Variants in BBS9 observed in about 807,000 individuals in gnomAD.
The protein encoded by BBS9 is Bardet-Biedl syndrome 9, also known as protein PTHB1.
A neutral mutation model predicts 117.7 loss-of-function variants in BBS9; 89 were observed. The observed-to-expected ratio is 0.76, with a 90% CI of 0.64 to 0.90. The LOEUF (loss-of-function observed/expected upper bound fraction) is 0.90, where lower values mean the gene tolerates loss of function less well. Among genes scored for constraint, BBS9 ranks in the 40% least tolerant of loss-of-function variants. The probability of loss-of-function intolerance (pLI) is 0.00; values close to 1 mark genes in which losing one functional copy is unlikely to be tolerated. For synonymous variants in BBS9, 379 were observed against 370.9 expected, an observed-to-expected ratio of 1.02 and a Z score of -0.25; for missense variants, 982 against 1,042.2, an observed-to-expected ratio of 0.94 and a Z score of 0.80.
intron 9 of BBS9, among the ~76,000 whole-genome samples, chr7:33,285,848 G>C (rs1474187587): frequency 1.3e-5 from 2 of 151,884 alleles, no homozygotes; most frequent in Non-Finnish European, 2.9e-5. Flanking sequence ...ATAATTCTCA[G>C]AAAAATTCTC....
At chr7:33,166,646 T>TGGGCGTGGGACCCACCTAGCC (rs1795741518) in intron 4 of BBS9, among the ~76,000 whole-genome samples, 1 of 152,224 alleles carries the variant, frequency 6.6e-6, no homozygotes, top group South Asian at 2.1e-4. Context: ...CAAGGCTCCA[T>TGGGCGTGGGACCCACCTAGCC]GGGCGTGGGA....
intron 19 of BBS9, among the ~76,000 whole-genome samples, chr7:33,486,542 C>A (rs1443404923): frequency 1.3e-5 from 2 of 152,206 alleles, no homozygotes; most frequent in African/African-American, 4.8e-5. Flanking sequence ...AAAATTGTAT[C>A]ATTTCATATT....
At chr7:33,156,822 T>G (rs13236414) in intron 4 of BBS9, among the ~76,000 whole-genome samples, 24,585 of 152,090 alleles carry the variant, frequency 0.16, 2,131 homozygotes, top group South Asian at 0.21. Flanking sequence ...TGATAAAGTG[T>G]GCTCTCATTG....
chr7:33,209,776 T>G (rs182493021), intron 5 of BBS9, among the ~76,000 whole-genome samples: 4 of 152,256 alleles, frequency 2.6e-5, no homozygotes, highest in African/African-American at 9.6e-5. Flanking sequence ...TATTTAGGTC[T>G]TTTCTCTTTT....
intron 21 of BBS9, among the ~76,000 whole-genome samples, chr7:33,595,753 C>T: frequency 6.6e-6 from 1 of 151,930 alleles, no homozygotes; most frequent in Non-Finnish European, 1.5e-5. Context: ...TTTACAATAG[C>T]AAAGACATGA....
chr7:33,434,545 T>C (rs1835018697), intron 19 of BBS9, among the ~76,000 whole-genome samples: 1 of 152,074 alleles, frequency 6.6e-6, no homozygotes, highest in Admixed American at 6.6e-5. Context: ...GGAAATATGG[T>C]GTAGGGGTCT....
At chr7:33,205,880 A>C (rs546636158) in intron 5 of BBS9, among the ~76,000 whole-genome samples, 1 of 152,108 alleles carries the variant, frequency 6.6e-6, no homozygotes, top group Non-Finnish European at 1.5e-5. Flanking sequence ...TGGAAGTCTC[A>C]ATCTTTTTTA....
At chr7:33,293,037 C>G (rs989751515) in intron 9 of BBS9, among the ~76,000 whole-genome samples, 1 of 151,192 alleles carries the variant, frequency 6.6e-6, no homozygotes, top group Non-Finnish European at 1.5e-5. Context: ...GAAAAAGTTT[C>G]AAAAGAAATT....
intron 5 of BBS9, among the ~76,000 whole-genome samples, chr7:33,246,939 T>C (rs1795430063): frequency 6.6e-6 from 1 of 152,194 alleles, no homozygotes; most frequent in Non-Finnish European, 1.5e-5. Flanking sequence ...TTGAGGAAAG[T>C]TAACTTAAAA....
At chr7:33,379,396 C>T (rs528891747) in intron 17 of BBS9, among the ~76,000 whole-genome samples, 1 of 152,276 alleles carries the variant, frequency 6.6e-6, no homozygotes, top group East Asian at 1.9e-4. Context: ...AAATTCCTCT[C>T]TACAGCTCTA....
chr7:33,368,332 T>A (rs969017846), intron 17 of BBS9, among the ~76,000 whole-genome samples: 17 of 152,162 alleles, frequency 1.1e-4, no homozygotes, highest in African/African-American at 4.1e-4. Flanking sequence ...TTTTGCTGAG[T>A]GTAATTTCAG....
In BBS9 at chr7:33,569,719, G is replaced by A. The variant is rs942705035; in HGVS notation, c.2522-35146G>A. On this transcript the variant is annotated intron_variant, in intron 21 of 22. Transcript: ENST00000242067. ...GGAAATTGCAATGAGCCGAGATCGC[G>A]CCACTGCACTCCAGCCTGGGTGACA... Among the ~76,000 whole-genome samples, 5 of 152,130 alleles carry A rather than the reference G, an allele frequency of 3.3e-5. No individual in the cohort carries two copies. The South Asian group carries it at 8.3e-4, about 25-fold the overall frequency.
At chr7:33,390,930 A>T (rs1325424294) in intron 19 of BBS9, among the ~76,000 whole-genome samples, 1 of 152,116 alleles carries the variant, frequency 6.6e-6, no homozygotes, top group Non-Finnish European at 1.5e-5. Context: ...ATGTACTGGA[A>T]CTCTTTGCAT....
At chr7:33,603,859 C>T (rs1383248937) in intron 21 of BBS9, among the ~76,000 whole-genome samples, 1 of 152,138 alleles carries the variant, frequency 6.6e-6, no homozygotes, top group Non-Finnish European at 1.5e-5. Context: ...GATGCAGAGG[C>T]GTGGATAGTA....
chr7:33,332,482 G>T (rs1220867567), intron 9 of BBS9, among the ~76,000 whole-genome samples: 1 of 152,146 alleles, frequency 6.6e-6, no homozygotes, highest in Non-Finnish European at 1.5e-5. Context: ...TTCGAGACCA[G>T]CCTGGCCAAA....
intron 9 of BBS9, among the ~76,000 whole-genome samples, chr7:33,327,358 A>G (rs1813068867): frequency 6.6e-6 from 1 of 152,126 alleles, no homozygotes; most frequent in Admixed American, 6.5e-5. Context: ...AGGCACATGT[A>G]TAGAAGTGGA....
chr7:33,213,706 C>T (rs1042409325), intron 5 of BBS9, among the ~76,000 whole-genome samples: 3 of 152,010 alleles, frequency 2.0e-5, no homozygotes, highest in Non-Finnish European at 2.9e-5. Context: ...ATGAATCCTG[C>T]TAAGACTGGA....
chr7:33,179,869 C>T (rs1027758597), intron 5 of BBS9, among the ~76,000 whole-genome samples: 8 of 152,168 alleles, frequency 5.3e-5, no homozygotes, highest in Non-Finnish European at 1.2e-4. Flanking sequence ...CTGTTGGATA[C>T]ACTGAGTTCT....
chr7:33,450,163 T>C (rs1837589974), intron 19 of BBS9, among the ~76,000 whole-genome samples: 1 of 152,228 alleles, frequency 6.6e-6, no homozygotes, highest in African/African-American at 2.4e-5. Flanking sequence ...TCTCTTAGCA[T>C]AAGGTCCTCA....
Sources: allele counts gnomAD v4.1 joint callset (sites outside exome capture counted in the v4.1 genomes callset), GRCh38; gene constraint gnomAD v4.1.1; transcripts MANE v1.5; gene names NCBI Gene and HGNC (gene_info 2026-07-23, HGNC 2026-07-21).